The following NSMCE4A variants were observed in gnomAD, a reference collection of about 807,000 sequenced individuals.
NSMCE4A encodes the protein NSE4A component of SMC5/6 complex, also known as non-structural maintenance of chromosomes element 4 homolog A.
NSMCE4A carries 40 observed loss-of-function variants against 47.9 expected under a neutral mutation model. The observed-to-expected ratio is 0.83, with a 90% confidence interval of 0.65 to 1.09. NSMCE4A has a LOEUF of 1.09. Among genes scored for constraint, NSMCE4A ranks in the 50% least tolerant of loss-of-function variants. The pLI is 0.00. For missense variants in NSMCE4A, 500 were observed against 507.0 expected (o/e 0.99, Z 0.13); for synonymous variants, 166 against 178.5 (o/e 0.93, Z 0.56).
intron 10 of NSMCE4A, among the ~76,000 whole-genome samples, chr10:121,957,935 A>T (rs1952428915): frequency 6.6e-6 from 1 of 152,128 alleles, no homozygotes. Flanking sequence ...AGATTAAAAA[A>T]AAATAAAGTT....
chr10:121,975,116 C>A lies in NSMCE4A; in HGVS notation c.50G>T (p.Arg17Leu). ...GCGGGTGCGATCCCGATGCGGGTCG[C>A]GGCCCCGGCCCCGGCCCTCTGGCCC... ...GRGPEGRGRGRDPHRDRTRSR... is the reference protein window; with the variant it reads ...GRGPEGRGRGLDPHRDRTRSR... The change falls in exon 1 of 11, where the codon CGC (arginine) becomes CTC (leucine). Residue 17 changes from arginine to leucine, a missense_variant. Transcript: ENST00000369023. The A allele has an allele frequency of 7.1e-7, 1 of 1,417,524 alleles. No homozygotes were observed. The highest frequency in any genetic ancestry group is 3.5e-5 in the Admixed American group (1 of 28,334). The allele number at this position is 1,417,524 out of a possible 1,614,324, so 87.8% of individuals were successfully genotyped here.
intron 2 of NSMCE4A, among the ~76,000 whole-genome samples, chr10:121,971,317 T>C (rs146096071): frequency 0.018 from 2,762 of 152,200 alleles, 84 homozygotes; most frequent in African/African-American, 0.062. Flanking sequence ...GAGACCATCC[T>C]GGCTAACACG....
At position 121,973,994 on chromosome 10, in the gene NSMCE4A, A is replaced by G. The variant is rs1294347071; in HGVS notation, c.370+10T>C. 1 of 1,559,404 alleles carries G rather than the reference A, an allele frequency of 6.4e-7. No individual in the cohort carries two copies. Among genetic ancestry groups the G allele is most frequent in the Non-Finnish European group, 8.8e-7 (1 of 1,142,538 alleles). ...TAAAACACGAAATAACATATAAAATAACAAATTACCTTCATTAAACAGAGT... is the reference window on the plus strand; with the variant it reads ...TAAAACACGAAATAACATATAAAATGACAAATTACCTTCATTAAACAGAGT... On this transcript the variant is annotated intron_variant, in intron 2 of 10. Coordinates refer to ENST00000369023, the MANE Select transcript of NSMCE4A (RefSeq NM_017615.3).
At chr10:121,965,035 C>T (rs1016709848) in intron 5 of NSMCE4A, among the ~76,000 whole-genome samples, 10 of 152,014 alleles carry the variant, frequency 6.6e-5, no homozygotes, top group Non-Finnish European at 1.5e-4. Context: ...ATTATCCAGC[C>T]GTAAATGTTG....
Position 121,960,512 on chromosome 10 carries a change from A to T in NSMCE4A, c.940-106T>A. 1.4e-6 allele frequency: 1 copy of T among 702,552 alleles called. No individual in the cohort carries two copies. Among genetic ancestry groups the T allele is most frequent in the South Asian group, 2.1e-5 (1 of 46,874 alleles). The allele number at this position is 702,552 out of a possible 1,614,324, so 43.5% of individuals were successfully genotyped here. A position where few individuals can be genotyped will look rare whatever the true frequency, so the allele number is the denominator to read the frequency against. ...GAAAATTCAGTATCTCAGAAAATCA[A>T]ATTACACCATAGCAATAATAAGGTG... is the stretch of plus-strand genomic sequence containing the variant. On this transcript the variant is annotated intron_variant, in intron 7 of 10. Coordinates refer to ENST00000369023, the MANE Select transcript of NSMCE4A (RefSeq NM_017615.3). This position sits in a 1 kb window ranked among gnomAD's most constrained non-coding sequence, Gnocchi z 4.2.
rs1952770430 is a variant in NSMCE4A, at chr10:121,974,137, T to A, written c.293-56A>T. On this transcript the variant is annotated intron_variant, in intron 1 of 10. Coordinates refer to ENST00000369023, the MANE Select transcript of NSMCE4A (RefSeq NM_017615.3). ...TTGTTCAGCATTCACTAATAAGCAG[T>A]TGACAAGGTTATCACCTGCAACAGT... 6 of 1,452,516 alleles carry A rather than the reference T, an allele frequency of 4.1e-6. No individual in the cohort carries two copies. In the South Asian group the frequency reaches 7.2e-5, roughly 18 times the overall value. 90.0% of individuals were successfully genotyped at this position (1,452,516 alleles called of 1,614,324 possible).
At chr10:121,961,661 T>C in intron 6 of NSMCE4A, 144 bp from the exon 7 acceptor site, 2 of 521,096 alleles carry the variant, frequency 3.8e-6, no homozygotes, top group Non-Finnish European at 6.7e-6. Flanking sequence ...GGAGGCCAAT[T>C]TGGCATCTCT....
In NSMCE4A at chr10:121,960,473, G is replaced by GA; in HGVS notation, c.940-68dup. Reference sequence around the variant, plus strand: ...GACTCAAACCTATACGCACTAGATGGAAAAAATTACTCAGAAAATTCAGTA... The same window carrying GA: ...GACTCAAACCTATACGCACTAGATGGAAAAAAATTACTCAGAAAATTCAGTA... On this transcript the variant is annotated intron_variant, in intron 7 of 10. Transcript: ENST00000369023. The surrounding 1 kb of genome is among the most constrained non-coding windows in gnomAD (Gnocchi z 4.2). 8.6e-7 allele frequency: 1 copy of GA among 1,161,350 alleles called. No individual in the cohort carries two copies. Among genetic ancestry groups the GA allele is most frequent in the African/African-American group, 1.6e-5 (1 of 61,356 alleles). 71.9% of individuals were successfully genotyped at this position (1,161,350 alleles called of 1,614,324 possible). A position where few individuals can be genotyped will look rare whatever the true frequency, so the allele number is the denominator to read the frequency against.
At chr10:121,974,792 T>C in intron 1 of NSMCE4A, 82 bp downstream of exon 1, 2 of 1,216,274 alleles carry the variant, frequency 1.6e-6, no homozygotes, top group Non-Finnish European at 2.0e-6. Flanking sequence ...GGCACCTGCC[T>C]CCGGTGCCCT....
At position 121,965,381 on chromosome 10, in the gene NSMCE4A, C is replaced by G; in HGVS notation, c.658G>C (p.Gly220Arg). 1.2e-6 allele frequency: 2 copies of G among 1,606,382 alleles called. No individual in the cohort carries two copies. The highest frequency in any genetic ancestry group is 1.7e-6 in the Non-Finnish European group (2 of 1,177,186). ...NKTHTFHFLLGSIYGECPVPK... is the reference protein window; with the variant it reads ...NKTHTFHFLLRSIYGECPVPK... Reference sequence around the variant, plus strand: ...ACAGGGCACTCTCCGTATATTGAACCCAACCTAATGAAAAGTATGCTTTCA... The same window carrying G: ...ACAGGGCACTCTCCGTATATTGAACGCAACCTAATGAAAAGTATGCTTTCA... The change falls in exon 5 of 11, where the codon GGT (glycine) becomes CGT (arginine). Residue 220 changes from glycine (G) to arginine (R), a missense_variant. Physicochemically the swap from Gly to Arg is moderately radical, Grantham distance 125 (BLOSUM62 -2). Coordinates refer to ENST00000369023, the MANE Select transcript of NSMCE4A (RefSeq NM_017615.3).
intron 2 of NSMCE4A, 60 bp from the exon 3 acceptor site, chr10:121,971,129 T>TC (rs1952700812): frequency 7.0e-7 from 1 of 1,430,648 alleles, no homozygotes; most frequent in South Asian, 1.4e-5. Flanking sequence ...ATAGACTTTT[T>TC]CCCTACATTT....
intron 4 of NSMCE4A, chr10:121,967,443 C>T (rs1952627667): frequency 1.9e-6 from 1 of 522,864 alleles, no homozygotes; most frequent in African/African-American, 2.0e-5. Flanking sequence ...GATGATCTAC[C>T]TGCATCCACC....
At chr10:121,973,928 T>G in intron 2 of NSMCE4A, 76 bp downstream of exon 2, 1 of 987,672 alleles carries the variant, frequency 1.0e-6, no homozygotes, top group South Asian at 1.5e-5. Context: ...TTGTTTTATG[T>G]CAATAATTTG....
At chr10:121,971,506 C>CAAAACA (rs141704212) in intron 2 of NSMCE4A, among the ~76,000 whole-genome samples, 22,947 of 151,218 alleles carry the variant, frequency 0.15, 1,805 homozygotes, top group Middle Eastern at 0.17. Flanking sequence ...GAGGCTGTCT[C>CAAAACA]AAAACAAAAA....
intron 3 of NSMCE4A, among the ~76,000 whole-genome samples, chr10:121,969,428 C>G (rs1952664653): frequency 6.7e-6 from 1 of 149,456 alleles, no homozygotes; most frequent in Non-Finnish European, 1.5e-5. Flanking sequence ...ATACCCAATA[C>G]ATGGTTACTT....
intron 4 of NSMCE4A, chr10:121,967,454 T>C (rs1342323678): frequency 1.8e-6 from 1 of 544,794 alleles, no homozygotes; most frequent in Admixed American, 3.6e-5. Context: ...TGCATCCACC[T>C]GCCAAAGTGC....
At chr10:121,957,464 G>A (rs548078920) in intron 10 of NSMCE4A, among the ~76,000 whole-genome samples, 4 of 120,422 alleles carry the variant, frequency 3.3e-5, no homozygotes, top group Admixed American at 1.2e-4. Flanking sequence ...ACAGAGTTTC[G>A]CTCTGTCGCC....
At chr10:121,966,938 CAAGT>C (rs1276105606) in intron 4 of NSMCE4A, 1 of 152,108 alleles carries the variant, frequency 6.6e-6, no homozygotes. Flanking sequence ...GTGGCAGTGA[CAAGT>C]AATCTTCAAA....
At chr10:121,971,707 T>C (rs1037745503) in intron 2 of NSMCE4A, among the ~76,000 whole-genome samples, 2 of 152,186 alleles carry the variant, frequency 1.3e-5, no homozygotes, top group Non-Finnish European at 2.9e-5. Context: ...CTAATCACGA[T>C]GATCATGTGT....
Sources: gnomAD v4.1 joint callset for allele counts (sites outside exome capture counted in the v4.1 genomes callset) on GRCh38, gnomAD v4.1.1 for gene constraint, Gnocchi (gnomAD v3.1) non-coding constraint, MANE v1.5 for transcripts, NCBI Gene and HGNC (gene_info 2026-07-23, HGNC 2026-07-21) for gene names.